The following MMS22L variants were observed in gnomAD, a reference collection of about 807,000 sequenced individuals.
MMS22L encodes protein MMS22-like.
In MMS22L, 74 loss-of-function variants were observed where a neutral mutation model predicts 159.1. The observed-to-expected ratio is 0.47, with a 90% confidence interval of 0.39 to 0.56. The LOEUF is 0.56. Ranked by LOEUF, MMS22L falls within the 20% of genes least tolerant of loss-of-function variation. The probability of loss-of-function intolerance (pLI) is 0.00; values close to 1 mark genes in which losing one functional copy is unlikely to be tolerated. For missense variants in MMS22L, 1,351 were observed against 1,422.1 expected (o/e 0.95, Z 0.80); for synonymous variants, 517 against 506.9 (o/e 1.02, Z -0.27).
chr6:97,157,785 G>T (rs1421904334), intron 22 of MMS22L, among the ~76,000 whole-genome samples: 14 of 151,922 alleles, frequency 9.2e-5, no homozygotes, highest in African/African-American at 2.2e-4. Context: ...ATTTTTTTTT[G>T]TTGTTGTGTC....
intron 11 of MMS22L, among the ~76,000 whole-genome samples, chr6:97,236,375 T>C (rs373372141): frequency 3.3e-5 from 5 of 151,892 alleles, no homozygotes; most frequent in African/African-American, 2.4e-5. Context: ...TTAAGTCATT[T>C]TGGAGAGCAG....
At chr6:97,185,738 A>T (rs1016863346) in intron 15 of MMS22L, among the ~76,000 whole-genome samples, 1 of 152,122 alleles carries the variant, frequency 6.6e-6, no homozygotes. Flanking sequence ...ACTAGGATAA[A>T]TATTGGTTTA....
intron 9 of MMS22L, chr6:97,260,501 T>C (rs1582824627): frequency 6.6e-6 from 1 of 152,338 alleles, no homozygotes; most frequent in Non-Finnish European, 1.5e-5. Flanking sequence ...CTTTCCTGCA[T>C]TGAATGTATT....
chr6:97,149,480 A>C (rs1003850477), intron 24 of MMS22L, among the ~76,000 whole-genome samples: 1 of 152,152 alleles, frequency 6.6e-6, no homozygotes. Flanking sequence ...GCATCCCTCA[A>C]ACGGTTATGA....
intron 11 of MMS22L, among the ~76,000 whole-genome samples, chr6:97,238,919 CAA>C (rs367852378): frequency 6.9e-5 from 2 of 29,148 alleles, no homozygotes; most frequent in African/African-American, 1.1e-4. Flanking sequence ...GACTCCATCT[CAA>C]AAAAAAAAAA....
chr6:97,227,050 A>G (rs1810341690), intron 14 of MMS22L, among the ~76,000 whole-genome samples: 1 of 152,162 alleles, frequency 6.6e-6, no homozygotes, highest in African/African-American at 2.4e-5. Flanking sequence ...TTTGTCCCCC[A>G]TTTGTAAAAT....
At chr6:97,167,429 A>G (rs1316162214) in intron 20 of MMS22L, among the ~76,000 whole-genome samples, 2 of 152,156 alleles carry the variant, frequency 1.3e-5, no homozygotes, top group East Asian at 3.8e-4. Context: ...GTGGATTATT[A>G]CAAGGAACTA....
At chr6:97,202,598 A>AT (rs1807298284) in intron 14 of MMS22L, among the ~76,000 whole-genome samples, 1 of 152,162 alleles carries the variant, frequency 6.6e-6, no homozygotes, top group Non-Finnish European at 1.5e-5. Flanking sequence ...AAATAATATC[A>AT]TCTACAGTTT....
rs1234175480 is a variant in MMS22L, at chr6:97,168,149, A to C, written c.2931T>G (p.His977Gln). 6.2e-7 allele frequency: 1 copy of C among 1,612,988 alleles called. No individual in the cohort carries two copies. Among genetic ancestry groups the C allele is most frequent in the East Asian group, 2.2e-5 (1 of 44,854 alleles). The change falls in exon 20 of 25, where the codon CAT becomes CAG. Residue 977 changes from histidine (H) to glutamine (Q), a missense_variant. By Grantham distance (24) the His-to-Gln change is conservative. Coordinates refer to ENST00000683635, the MANE Select transcript of MMS22L (RefSeq NM_001350599.2). ...FRIIDCLLLP[H>Q]AVLQQEKELP... The stretch of plus-strand genomic sequence containing the variant: ...GTTCCTTCTCTTGCTGTAATACTGC[A>C]TGTGGCAGCAGTAAACAATCTATGA...
chr6:97,195,687 G>GT (rs1272919265), intron 14 of MMS22L, among the ~76,000 whole-genome samples: 6 of 152,108 alleles, frequency 3.9e-5, no homozygotes, highest in African/African-American at 1.4e-4. Flanking sequence ...TCTTAAAGTG[G>GT]TAAGAAGACA....
chr6:97,173,767 A>G (rs1024459057), intron 18 of MMS22L, among the ~76,000 whole-genome samples: 1 of 152,190 alleles, frequency 6.6e-6, no homozygotes, highest in Admixed American at 6.6e-5. Context: ...GGATGGGCAG[A>G]GAAGGTAGAG....
Position 97,269,954 on chromosome 6 carries a change from C to T in MMS22L, c.645G>A (p.Leu215=), listed in dbSNP as rs1318392218. Residue 215 remains leucine, a synonymous_variant, in exon 7 of 25, where the codon TTG becomes TTA. Coordinates refer to ENST00000683635, the MANE Select transcript of MMS22L (RefSeq NM_001350599.2). ...PPSWHLLHLH[L]DIHWLVLEIL... Reference sequence around the variant, plus strand: ...TTTCTAGCACCAGCCAATGTATATCCAAGTGGAGATGTAATAAATGCCATG... The same window carrying T: ...TTTCTAGCACCAGCCAATGTATATCTAAGTGGAGATGTAATAAATGCCATG... 1.2e-6 allele frequency: 2 copies of T among 1,612,196 alleles called. No individual in the cohort carries two copies. The highest frequency in any genetic ancestry group is 4.5e-5 in the East Asian group (2 of 44,774).
chr6:97,248,226 G>A (rs958696719), intron 10 of MMS22L, among the ~76,000 whole-genome samples: 1 of 152,200 alleles, frequency 6.6e-6, no homozygotes. Flanking sequence ...AGAAACTGAA[G>A]CACTGTGCCA....
chr6:97,234,081 A>T (rs1811150132), intron 11 of MMS22L, 101 bp from the exon 12 acceptor site: 2 of 1,292,606 alleles, frequency 1.5e-6, no homozygotes, highest in Non-Finnish European at 2.1e-6. Context: ...TAAAAAGAAA[A>T]TAAATATGTG....
chr6:97,273,044 T>A lies in MMS22L; in HGVS notation c.359A>T (p.His120Leu). ...SCDFGKVSTLHCKADNIRQQC... is the reference protein window; with the variant it reads ...SCDFGKVSTLLCKADNIRQQC... ...CTGCCTAATATTGTCTGCTTTGCAG[T>A]GTAGAGTTGATACCTTCCCTGAAAC... Residue 120 changes from histidine to leucine, a missense_variant, in exon 5 of 25, where the codon CAC becomes CTC. Transcript: ENST00000683635. 6.2e-7 allele frequency: 1 copy of A among 1,609,896 alleles called. No homozygotes were observed. Among genetic ancestry groups the A allele is most frequent in the Non-Finnish European group, 8.5e-7 (1 of 1,179,140 alleles).
At chr6:97,197,904 T>A (rs1806710926) in intron 14 of MMS22L, among the ~76,000 whole-genome samples, 1 of 152,056 alleles carries the variant, frequency 6.6e-6, no homozygotes. Context: ...CTCCTCCCAA[T>A]CCTCCCCCAC....
At chr6:97,163,525 G>A (rs1448855340) in intron 21 of MMS22L, among the ~76,000 whole-genome samples, 1 of 151,874 alleles carries the variant, frequency 6.6e-6, no homozygotes, top group Non-Finnish European at 1.5e-5. Flanking sequence ...ACTAATTCTG[G>A]GATCCTAAAC....
rs190859124 is a variant in MMS22L at position 97,158,270 on chromosome 6, C to T, written c.3385+3732G>A. ...GTTGATCTTTTCAAAAAACCAGCTC[C>T]TGGATTCACTGATTTTTTTGAAGGT... is the stretch of plus-strand genomic sequence containing the variant. On this transcript the variant is annotated intron_variant, in intron 22 of 24. Transcript: ENST00000683635. 6.2e-3 allele frequency among the ~76,000 whole-genome samples: 950 copies of T among 152,180 alleles called. 13 individuals are homozygous for T. Among genetic ancestry groups the T allele is most frequent in the African/African-American group, 0.022 (914 of 41,490 alleles).
chr6:97,185,679 A>C (rs937272655), intron 15 of MMS22L, among the ~76,000 whole-genome samples: 3 of 152,158 alleles, frequency 2.0e-5, no homozygotes, highest in Non-Finnish European at 4.4e-5. Flanking sequence ...TTCAAATTTA[A>C]ATCATTAGTC....
Sources: allele counts gnomAD v4.1 joint callset (sites outside exome capture counted in the v4.1 genomes callset), GRCh38; gene constraint gnomAD v4.1.1; transcripts MANE v1.5; gene names NCBI Gene and HGNC (gene_info 2026-07-23, HGNC 2026-07-21).